Variants in ZBTB11 observed in about 807,000 individuals in gnomAD.
ZBTB11 encodes the protein zinc finger and BTB domain-containing protein 11.
In ZBTB11, 68 loss-of-function variants were observed where a neutral mutation model predicts 113.1. The observed-to-expected ratio is 0.60, with a 90% confidence interval of 0.49 to 0.74. The LOEUF (loss-of-function observed/expected upper bound fraction) is 0.74, where lower values mean the gene tolerates loss of function less well. ZBTB11 is among the 30% of genes least tolerant of loss of function. ZBTB11 has a pLI of 0.00. For missense variants in ZBTB11, 1,104 were observed against 1,279.4 expected, an observed-to-expected ratio of 0.86 and a Z score of 2.09; for synonymous variants, 518 against 452.6, an observed-to-expected ratio of 1.14 and a Z score of -1.83.
intron 3 of ZBTB11, among the ~76,000 whole-genome samples, chr3:101,666,842 C>T (rs1937004200): frequency 6.6e-6 from 1 of 152,064 alleles, no homozygotes; most frequent in Non-Finnish European, 1.5e-5. Flanking sequence ...CTCCCAACTC[C>T]CAGGTTCAAG....
intron 5 of ZBTB11, 108 bp downstream of exon 5, chr3:101,664,430 T>TA: frequency 8.9e-7 from 1 of 1,120,254 alleles, no homozygotes; most frequent in Non-Finnish European, 1.3e-6. Context: ...AGATGACTCT[T>TA]ATAGCCATAT....
At chr3:101,671,414 C>T (rs1937083410) in intron 2 of ZBTB11, 53 bp from the exon 3 acceptor site, 4 of 1,353,136 alleles carry the variant, frequency 3.0e-6, no homozygotes, top group Non-Finnish European at 4.2e-6. Context: ...ATTTTTTACC[C>T]TTAACAAGCT....
chr3:101,676,723 C>A lies in ZBTB11; in HGVS notation c.192G>T (p.Val64=). 6.2e-7 allele frequency: 1 copy of A among 1,600,356 alleles called. No homozygotes were observed. Among genetic ancestry groups the A allele is most frequent in the African/African-American group, 1.3e-5 (1 of 74,812 alleles). ...CCCGGCGTCGCTCCGGCTGCAGCAC[C>A]ACCTCCAGCTCCGCGAAGGTCTTGC... ...RHRKTFAELE[V]VLQPERRRDL... is the part of the protein sequence containing the mutation. The change falls in exon 1 of 11, where the codon GTG becomes GTT. Residue 64 remains valine, a synonymous_variant. Coordinates refer to ENST00000312938, the MANE Select transcript of ZBTB11 (RefSeq NM_014415.4).
At chr3:101,675,973 G>A (rs1937160736) in intron 1 of ZBTB11, among the ~76,000 whole-genome samples, 1 of 152,010 alleles carries the variant, frequency 6.6e-6, no homozygotes, top group African/African-American at 2.4e-5. Flanking sequence ...AACAGTAACT[G>A]ATATCTTTTA....
intron 2 of ZBTB11, 98 bp downstream of exon 2, chr3:101,671,880 T>C: frequency 1.1e-6 from 1 of 883,194 alleles, no homozygotes; most frequent in Non-Finnish European, 1.9e-6. Context: ...TCTTATTCAA[T>C]AAGCAGTCTT....
intron 1 of ZBTB11, chr3:101,676,358 C>T (rs985373238): frequency 2.6e-6 from 1 of 386,990 alleles, no homozygotes; most frequent in Non-Finnish European, 4.5e-6. Context: ...GCGGCTGGCC[C>T]GGCCTCCGGG....
At chr3:101,668,635 A>AG (rs397751910) in intron 3 of ZBTB11, among the ~76,000 whole-genome samples, 4 of 151,576 alleles carry the variant, frequency 2.6e-5, no homozygotes, top group Middle Eastern at 3.4e-3. Flanking sequence ...AAAAAAAAAA[A>AG]GGGCTGAAAG....
intron 6 of ZBTB11, among the ~76,000 whole-genome samples, chr3:101,657,936 G>A (rs1190117952): frequency 2.0e-5 from 3 of 152,244 alleles, no homozygotes; most frequent in Middle Eastern, 6.8e-3. Flanking sequence ...CCAGGAGTTC[G>A]AGTTTACTGA....
At position 101,676,866 on chromosome 3, in the gene ZBTB11, C is replaced by T. The variant is rs1418000723; in HGVS notation, c.49G>A (p.Glu17Lys). The T allele has an allele frequency of 1.9e-6, 3 of 1,608,430 alleles. No homozygotes were observed. Among genetic ancestry groups the T allele is most frequent in the Non-Finnish European group, 2.5e-6 (3 of 1,177,462 alleles). Residue 17 changes from glutamate (E) to lysine (K), a missense_variant, in exon 1 of 11, where the codon GAG (glutamate) becomes AAG (lysine). Around this residue, in one of 5 missense-constraint regions of ZBTB11, gnomAD observed 245 missense variants for 272.5 expected, o/e 0.90. Transcript: ENST00000312938. ...GTGCCCGGCGCATACGGCTCGCGCT[C>T]GTTCGTCAGGTAACGCAGGATGGCC... Reference protein sequence around the residue: ...YRAILRYLTNEREPYAPGTEG... With the variant: ...YRAILRYLTNKREPYAPGTEG...
chr3:101,652,683 G>GA lies in ZBTB11; in HGVS notation c.2469-13dup. The GA allele has an allele frequency of 6.2e-7, 1 of 1,612,512 alleles. No homozygotes were observed. The highest frequency in any genetic ancestry group is 8.5e-7 in the Non-Finnish European group (1 of 1,179,568). ...CACATATATTACACCTAAAATAGGGGAAAAGACCCAATTATTTTGTCCAAA... is the reference window on the plus strand; with the variant it reads ...CACATATATTACACCTAAAATAGGGGAAAAAGACCCAATTATTTTGTCCAAA... On this transcript the variant is annotated splice_polypyrimidine_tract_variant and intron_variant, in intron 9 of 10. Transcript: ENST00000312938.
intron 8 of ZBTB11, among the ~76,000 whole-genome samples, chr3:101,653,176 A>C (rs1329474036): frequency 6.6e-6 from 1 of 152,214 alleles, no homozygotes; most frequent in Non-Finnish European, 1.5e-5. Flanking sequence ...TTACAGAGGA[A>C]ATTTACTATT....
chr3:101,657,904 G>C lies in ZBTB11; in HGVS notation c.2047-1656C>G, dbSNP rs1439470011. Reference sequence around the variant, plus strand: ...TGAAGTCCTAGCTACTCGGGTAGCTGATGCAGGAGGATTGCTTGAAACCAG... The same window carrying C: ...TGAAGTCCTAGCTACTCGGGTAGCTCATGCAGGAGGATTGCTTGAAACCAG... On this transcript the variant is annotated intron_variant, in intron 6 of 10. Coordinates refer to ENST00000312938, the MANE Select transcript of ZBTB11 (RefSeq NM_014415.4). Among the ~76,000 whole-genome samples the C allele has an allele frequency of 2.6e-5, 4 of 152,146 alleles. No individual in the cohort carries two copies. In the East Asian group the frequency reaches 7.7e-4, roughly 29 times the overall value.
intron 1 of ZBTB11, among the ~76,000 whole-genome samples, chr3:101,674,032 C>CT (rs1405853607): frequency 9.7e-5 from 10 of 102,744 alleles, no homozygotes; most frequent in African/African-American, 3.9e-4. Context: ...TTCACAGAGA[C>CT]TGTTTTTTTT....
chr3:101,658,465 G>C (rs866657436), intron 6 of ZBTB11, among the ~76,000 whole-genome samples: 1 of 151,876 alleles, frequency 6.6e-6, no homozygotes, highest in South Asian at 2.1e-4. Flanking sequence ...CTTGTGATCC[G>C]CCTGCCTCGG....
intron 3 of ZBTB11, among the ~76,000 whole-genome samples, chr3:101,667,478 T>C (rs1937015807): frequency 6.6e-6 from 1 of 152,208 alleles, no homozygotes; most frequent in African/African-American, 2.4e-5. Flanking sequence ...GCTGTAATTT[T>C]CAGTTCTGAC....
At position 101,677,093 on chromosome 3, in the gene ZBTB11, G is replaced by C. The variant is rs1188332003; in HGVS notation, c.-179C>G. 1.5e-6 allele frequency: 1 copy of C among 657,054 alleles called. No individual in the cohort carries two copies. The highest frequency in any genetic ancestry group is 3.2e-5 in the East Asian group (1 of 31,408). 40.7% of individuals were successfully genotyped at this position (657,054 alleles called of 1,614,324 possible). On this transcript the variant is annotated 5_prime_UTR_variant, in exon 1 of 11. Transcript: ENST00000312938. ...AAAGCGGGCGAGTTGGTAACCAGGG[G>C]GAACTGCACTTCTCCAGCGCGCGGG...
chr3:101,650,889 T>G lies in ZBTB11; in HGVS notation c.*277A>C. 1 of 244,004 alleles carries G rather than the reference T, an allele frequency of 4.1e-6. No homozygotes were observed. The highest frequency in any genetic ancestry group is 7.8e-6 in the Non-Finnish European group (1 of 127,624). The allele number at this position is 244,004 out of a possible 1,614,324, so 15.1% of individuals were successfully genotyped here. A position where few individuals can be genotyped will look rare whatever the true frequency, so the allele number is the denominator to read the frequency against. On this transcript the variant is annotated 3_prime_UTR_variant, in exon 11 of 11. Transcript: ENST00000312938. ...ACAGTCATTTATAAACATTAATTCA[T>G]AAAAGGTATATCATGATAAACCACT... is the stretch of plus-strand genomic sequence containing the variant.
In ZBTB11 at chr3:101,665,443, G is replaced by C; in HGVS notation, c.1144C>G (p.Arg382Gly). 3 of 1,614,112 alleles carry C rather than the reference G, an allele frequency of 1.9e-6. No individual in the cohort carries two copies. The highest frequency in any genetic ancestry group is 2.5e-6 in the Non-Finnish European group (3 of 1,180,030). The change falls in exon 4 of 11, where the codon CGA (arginine) becomes GGA (glycine). Residue 382 changes from arginine to glycine, a missense_variant. Transcript: ENST00000312938. ...GAAGAAACCTGGGGCTCAGGCTGTC[G>C]TCCTACCTCTCCATTCTGCTCAGCT... ...PEAEQNGEVG[R>G]QPEPQVSSEA...
chr3:101,652,869 T>C lies in ZBTB11; in HGVS notation c.2379A>G (p.Pro793=). Reference sequence around the variant, plus strand: ...ACTTATCACAAAATTGGCACTGGAATGGCTTCACACCAAGATGTTTGTTCA... The same window carrying C: ...ACTTATCACAAAATTGGCACTGGAACGGCTTCACACCAAGATGTTTGTTCA... The part of the protein sequence containing the change: ...QHMNKHLGVK[P]FQCQFCDKCY... The change falls in exon 9 of 11, where the codon CCA becomes CCG. Residue 793 remains proline (P), a synonymous_variant. Coordinates refer to ENST00000312938, the MANE Select transcript of ZBTB11 (RefSeq NM_014415.4). The C allele has an allele frequency of 6.2e-7, 1 of 1,614,176 alleles. No individual in the cohort carries two copies. The highest frequency in any genetic ancestry group is 8.5e-7 in the Non-Finnish European group (1 of 1,180,010).
Sources: gnomAD v4.1 joint callset for allele counts (sites outside exome capture counted in the v4.1 genomes callset) on GRCh38, gnomAD v4.1.1 for gene constraint, gnomAD v4.1.1 regional missense constraint, MANE v1.5 for transcripts, NCBI Gene and HGNC (gene_info 2026-07-23, HGNC 2026-07-21) for gene names.